The following ZNRF3 variants were observed in gnomAD, a reference collection of about 807,000 sequenced individuals.
ZNRF3 encodes the protein zinc and ring finger 3.
Under a neutral mutation model 72.5 loss-of-function variants are expected in ZNRF3, and 23 were observed. The observed-to-expected ratio is 0.32, with a 90% CI of 0.23 to 0.45. ZNRF3 has a LOEUF of 0.45. Among genes scored for constraint, ZNRF3 ranks in the 20% least tolerant of loss-of-function variants. The probability of loss-of-function intolerance (pLI) is 1.00; values close to 1 mark genes in which losing one functional copy is unlikely to be tolerated. For missense variants in ZNRF3, 1,169 were observed against 1,272.1 expected (o/e 0.92, Z 1.23); for synonymous variants, 610 against 545.3 (o/e 1.12, Z -1.65).
intron 2 of ZNRF3, among the ~76,000 whole-genome samples, chr22:28,999,642 A>G (rs919709759): frequency 1.3e-5 from 2 of 152,240 alleles, no homozygotes; most frequent in Non-Finnish European, 2.9e-5. Flanking sequence ...ACATCTGGCC[A>G]TGCACATACG....
At chr22:28,998,103 A>G (rs2036076967) in intron 2 of ZNRF3, among the ~76,000 whole-genome samples, 1 of 151,812 alleles carries the variant, frequency 6.6e-6, no homozygotes, top group African/African-American at 2.4e-5. Context: ...AGTCCGAGAC[A>G]GCCTGGCCAA....
intron 1 of ZNRF3, among the ~76,000 whole-genome samples, chr22:28,928,757 A>G (rs1041340458): frequency 5.3e-5 from 8 of 152,158 alleles, no homozygotes; most frequent in Non-Finnish European, 7.4e-5. Context: ...CGGCCTCCCA[A>G]AGTGCTGGGA....
intron 1 of ZNRF3, among the ~76,000 whole-genome samples, chr22:28,951,998 A>C (rs2035171402): frequency 6.6e-6 from 1 of 152,218 alleles, no homozygotes; most frequent in African/African-American, 2.4e-5. Context: ...CCCGTGGAGC[A>C]AGGAGCACTG....
At chr22:28,967,161 C>T (rs766458073) in intron 1 of ZNRF3, among the ~76,000 whole-genome samples, 1 of 152,128 alleles carries the variant, frequency 6.6e-6, no homozygotes, top group Non-Finnish European at 1.5e-5. Flanking sequence ...GGATTACAGG[C>T]GTGAGCCACT....
intron 1 of ZNRF3, among the ~76,000 whole-genome samples, chr22:28,980,488 C>A (rs749033477): frequency 2.6e-5 from 4 of 152,130 alleles, no homozygotes; most frequent in Non-Finnish European, 5.9e-5. Flanking sequence ...TCCTTCCTTC[C>A]CAAAATATCC....
intron 2 of ZNRF3, among the ~76,000 whole-genome samples, chr22:29,034,551 C>G (rs1362396449): frequency 2.0e-5 from 3 of 152,112 alleles, no homozygotes; most frequent in African/African-American, 7.2e-5. Flanking sequence ...GTTTGGGATG[C>G]TGGGTAAAAT....
Position 29,049,360 on chromosome 22 carries a change from C to G in ZNRF3, c.1179C>G (p.Pro393=), listed in dbSNP as rs1438566404. The G allele has an allele frequency of 1.9e-6, 3 of 1,613,430 alleles. No homozygotes were observed. Among genetic ancestry groups the G allele is most frequent in the Non-Finnish European group, 2.5e-6 (3 of 1,180,020 alleles). The change falls in exon 8 of 9, where the codon CCC becomes CCG. Residue 393 remains proline, a synonymous_variant. Transcript: ENST00000544604. This position sits in a 1 kb window ranked among gnomAD's most constrained non-coding sequence, Gnocchi z 5.2. ...CAAGCATGGACTCCCACGGCAACCC[C>G]GTCACCTTGCTGACCATGGACCGGC... is the stretch of plus-strand genomic sequence containing the variant. ...TRTSMDSHGN[P]VTLLTMDRHG...
At chr22:29,034,306 A>G (rs1184538208) in intron 2 of ZNRF3, among the ~76,000 whole-genome samples, 3 of 152,218 alleles carry the variant, frequency 2.0e-5, no homozygotes, top group Non-Finnish European at 4.4e-5. Flanking sequence ...ACTGATAACC[A>G]TCTCATTTAA....
Position 29,048,253 on chromosome 22 carries a change from C to G in ZNRF3, c.913-136C>G. ...GGGCCCTGCTTCTAGGGAATTGAGC[C>G]CTAATTGGAGGTGGGGAGGAGAGTA... On this transcript the variant is annotated intron_variant, in intron 6 of 8. Coordinates refer to ENST00000544604, the MANE Select transcript of ZNRF3 (RefSeq NM_001206998.2). This position sits in a 1 kb window ranked among gnomAD's most constrained non-coding sequence, Gnocchi z 4.9. 1.6e-6 allele frequency: 1 copy of G among 627,298 alleles called. No homozygotes were observed. The highest frequency in any genetic ancestry group is 2.9e-5 in the East Asian group (1 of 34,578). The allele number at this position is 627,298 out of a possible 1,614,324, so 38.9% of individuals were successfully genotyped here.
At chr22:28,947,052 G>A (rs1489498411) in intron 1 of ZNRF3, among the ~76,000 whole-genome samples, 1 of 152,170 alleles carries the variant, frequency 6.6e-6, no homozygotes. Context: ...CTTCTATTGG[G>A]CTCATCATTT....
At position 29,048,630 on chromosome 22, in the gene ZNRF3, G is replaced by A. The variant is rs2037118932; in HGVS notation, c.1015+139G>A. 1 of 781,382 alleles carries A rather than the reference G, an allele frequency of 1.3e-6. No individual in the cohort carries two copies. Among genetic ancestry groups the A allele is most frequent in the Admixed American group, 2.2e-5 (1 of 44,980 alleles). The allele number at this position is 781,382 out of a possible 1,614,324, so 48.4% of individuals were successfully genotyped here. On this transcript the variant is annotated intron_variant, in intron 7 of 8. Coordinates refer to ENST00000544604, the MANE Select transcript of ZNRF3 (RefSeq NM_001206998.2). The surrounding 1 kb of genome is among the most constrained non-coding windows in gnomAD (Gnocchi z 4.9). ...GGAGGCCTGGCAGCCCTGGGTTTTG[G>A]AGGTTGTCTGCACGACCCTTAGGAG...
intron 1 of ZNRF3, among the ~76,000 whole-genome samples, chr22:28,962,928 T>TTTACAA (rs1464850875): frequency 4.3e-4 from 65 of 152,372 alleles, no homozygotes; most frequent in African/African-American, 1.5e-3. Context: ...GCTTGTACCC[T>TTTACAA]GAACATCCTT....
At chr22:28,888,224 A>G (rs987179432) in intron 1 of ZNRF3, among the ~76,000 whole-genome samples, 2 of 152,208 alleles carry the variant, frequency 1.3e-5, no homozygotes, top group Non-Finnish European at 2.9e-5. Flanking sequence ...TGTTAAGTAA[A>G]GGTATCACAG....
intron 1 of ZNRF3, among the ~76,000 whole-genome samples, chr22:28,942,590 G>C (rs2034967332): frequency 6.6e-6 from 1 of 152,210 alleles, no homozygotes; most frequent in African/African-American, 2.4e-5. Context: ...GAGCGAGAGA[G>C]TGGAATTTGA....
At chr22:29,033,812 G>A (rs1569289945) in intron 2 of ZNRF3, among the ~76,000 whole-genome samples, 2 of 152,194 alleles carry the variant, frequency 1.3e-5, no homozygotes, top group African/African-American at 4.8e-5. Context: ...TTTGGGGGAA[G>A]TAAGGATTGT....
intron 1 of ZNRF3, among the ~76,000 whole-genome samples, chr22:28,933,076 A>G (rs905846094): frequency 8.5e-5 from 13 of 152,218 alleles, no homozygotes; most frequent in African/African-American, 2.7e-4. Context: ...ATCATCTGAC[A>G]TTTTAGAATA....
chr22:28,926,567 G>A (rs973180644), intron 1 of ZNRF3, among the ~76,000 whole-genome samples: 4 of 151,430 alleles, frequency 2.6e-5, no homozygotes, highest in Non-Finnish European at 5.9e-5. Flanking sequence ...CAGCACTTTC[G>A]GAAGCTGAGG....
At chr22:28,975,800 G>T (rs889845257) in intron 1 of ZNRF3, among the ~76,000 whole-genome samples, 1 of 152,018 alleles carries the variant, frequency 6.6e-6, no homozygotes, top group African/African-American at 2.4e-5. Flanking sequence ...ATGAAATTGT[G>T]GGGGAAGGAC....
At chr22:28,980,544 A>T (rs2035747478) in intron 1 of ZNRF3, among the ~76,000 whole-genome samples, 1 of 152,200 alleles carries the variant, frequency 6.6e-6, no homozygotes, top group Non-Finnish European at 1.5e-5. Context: ...ACAGTTTCAT[A>T]ATAATGTCAA....
Sources: allele counts gnomAD v4.1 joint callset (sites outside exome capture counted in the v4.1 genomes callset), GRCh38; gene constraint gnomAD v4.1.1; non-coding constraint Gnocchi (gnomAD v3.1); transcripts MANE v1.5; gene names NCBI Gene and HGNC (gene_info 2026-07-23, HGNC 2026-07-21).